Variants in CUX1 observed in about 807,000 individuals in gnomAD.
The protein encoded by CUX1 is protein CASP.
Under a neutral mutation model 158.8 loss-of-function variants are expected in CUX1, and 31 were observed. The observed-to-expected ratio is 0.20, with a 90% CI of 0.15 to 0.26. The LOEUF is 0.26. CUX1 is among the 10% of genes least tolerant of loss of function. The pLI is 1.00. For synonymous variants in CUX1, 879 were observed against 862.1 expected (o/e 1.02, Z -0.34); for missense variants, 1,589 against 2,014.6 (o/e 0.79, Z 4.04).
At chr7:101,852,667 ATTTTTTTT>A (rs71106571) in intron 1 of CUX1, among the ~76,000 whole-genome samples, 7 of 75,994 alleles carry the variant, frequency 9.2e-5, no homozygotes, top group African/African-American at 2.6e-4. Context: ...CTGCGTTGGA[ATTTTTTTT>A]TTTTTTTTTT....
chr7:102,254,319 GGAACACT>G lies in CUX1; in HGVS notation c.*5279_*5285del. 1.0e-6 allele frequency: 1 copy of G among 985,466 alleles called. No individual in the cohort carries two copies. The highest frequency in any genetic ancestry group is 1.1e-4 in the East Asian group (1 of 8,814). 61.0% of individuals were successfully genotyped at this position (985,466 alleles called of 1,614,324 possible). ...CCCCAAAGTTCCCAGCTGGCTTTGG[GGAACACT>G]GTAGCTCTTGGGTGTCTCTTGTCTC... On this transcript the variant is annotated 3_prime_UTR_variant, in exon 24 of 24. Transcript: ENST00000292535.
intron 14 of CUX1, among the ~76,000 whole-genome samples, chr7:102,195,856 C>T (rs193228756): frequency 6.6e-6 from 1 of 152,232 alleles, no homozygotes; most frequent in African/African-American, 2.4e-5. Context: ...AGGGGCAGTG[C>T]GGCTGGAATC....
intron 1 of CUX1, among the ~76,000 whole-genome samples, chr7:101,867,969 C>T (rs752475114): frequency 6.6e-6 from 1 of 151,996 alleles, no homozygotes; most frequent in Non-Finnish European, 1.5e-5. Flanking sequence ...CCTTGGCCTC[C>T]TAAAGTGCTG....
rs1799393421 is a variant in CUX1 at position 101,878,529 on chromosome 7, GT to G, written c.31-37585del. Among the ~76,000 whole-genome samples the G allele has an allele frequency of 2.6e-5, 4 of 152,268 alleles. No homozygotes were observed. In the South Asian group the frequency reaches 6.2e-4, roughly 24 times the overall value. ...CCACAATTACTGCGTCGCTGCTGGG[GT>G]CTGGCAAAGCTCACCTTGATGCAGT... On this transcript the variant is annotated intron_variant, in intron 1 of 23. Transcript: ENST00000292535.
At chr7:102,192,660 T>C (rs1470419235) in intron 12 of CUX1, among the ~76,000 whole-genome samples, 2 of 152,112 alleles carry the variant, frequency 1.3e-5, no homozygotes, top group Admixed American at 6.5e-5. Flanking sequence ...ATTATCCAGG[T>C]GTGGTGGCTC....
chr7:102,060,575 ATATACATATATAT>A, intron 3 of CUX1, among the ~76,000 whole-genome samples: 3 of 131,596 alleles, frequency 2.3e-5, no homozygotes, highest in Non-Finnish European at 3.3e-5. Context: ...ACACACACAT[ATATACATATATAT>A]ATATACACAC....
At chr7:102,109,488 A>G (rs895860410) in intron 6 of CUX1, among the ~76,000 whole-genome samples, 4 of 152,198 alleles carry the variant, frequency 2.6e-5, no homozygotes, top group African/African-American at 9.6e-5. Context: ...ACTATCTATC[A>G]AAACAAGAAA....
chr7:102,162,486 G>A (rs1047891931), intron 9 of CUX1, among the ~76,000 whole-genome samples: 3 of 152,144 alleles, frequency 2.0e-5, no homozygotes, highest in Non-Finnish European at 4.4e-5. Context: ...GGGACTACGG[G>A]CATATGGCTC....
chr7:102,155,291 C>T (rs1288296257), intron 8 of CUX1, among the ~76,000 whole-genome samples: 1 of 151,482 alleles, frequency 6.6e-6, no homozygotes, highest in East Asian at 1.9e-4. Context: ...TGTCTATAGT[C>T]GCAGCACTTT....
In CUX1 at chr7:102,248,912, C is replaced by T. The variant is rs782398565; in HGVS notation, c.4388C>T (p.Pro1463Leu). ...TCGCTGCAGAGCCTTTTCGGCCTCC[C>T]CGAGGCCGCGGGCGCCCGGGACTCG... is the stretch of plus-strand genomic sequence containing the variant. ...PSSLQSLFGL[P>L]EAAGARDSRD... is the part of the protein sequence containing the mutation. Residue 1463 changes from proline (P) to leucine (L), a missense_variant, in exon 24 of 24, where the codon CCC becomes CTC. Pro to Leu is a moderately conservative substitution (Grantham distance 98). Coordinates refer to ENST00000292535, the MANE Select transcript of CUX1 (RefSeq NM_181552.4). The surrounding 1 kb of genome is among the most constrained non-coding windows in gnomAD (Gnocchi z 5.8). The T allele has an allele frequency of 2.2e-5, 32 of 1,450,440 alleles. No homozygotes were observed. Among genetic ancestry groups the T allele is most frequent in the Non-Finnish European group, 5.5e-6 (6 of 1,096,766 alleles). 89.8% of individuals were successfully genotyped at this position (1,450,440 alleles called of 1,614,324 possible).
At chr7:101,826,019 C>T (rs142726539) in intron 1 of CUX1, among the ~76,000 whole-genome samples, 17 of 152,198 alleles carry the variant, frequency 1.1e-4, no homozygotes, top group African/African-American at 4.1e-4. Flanking sequence ...CCCACTTAGG[C>T]ACAGAGTGGA....
In CUX1 at chr7:102,201,954, A is replaced by C; in HGVS notation, c.2657A>C (p.Glu886Ala). The C allele has an allele frequency of 1.9e-6, 3 of 1,614,064 alleles. No homozygotes were observed. The highest frequency in any genetic ancestry group is 2.5e-6 in the Non-Finnish European group (3 of 1,180,020). ...SEYWKEWPSAESPYSQSSELS... is the reference protein window; with the variant it reads ...SEYWKEWPSAASPYSQSSELS... ...TACTGGAAGGAGTGGCCCAGCGCTG[A>C]GTCCCCATACTCCCAGAGCTCAGAG... Residue 886 changes from glutamate to alanine, a missense_variant, in exon 18 of 24, where the codon GAG becomes GCG. Glu to Ala is a moderately radical substitution (Grantham distance 107). Around this residue, in one of 8 missense-constraint regions of CUX1, gnomAD observed 337 missense variants for 409.3 expected, o/e 0.82. Coordinates refer to ENST00000292535, the MANE Select transcript of CUX1 (RefSeq NM_181552.4). The surrounding 1 kb of genome is among the most constrained non-coding windows in gnomAD (Gnocchi z 5.0).
chr7:102,266,217 AAAAG>A (rs1563517747), intron 14 of CUX1, among the ~76,000 whole-genome samples: 1 of 150,294 alleles, frequency 6.7e-6, no homozygotes, highest in Non-Finnish European at 1.5e-5. Flanking sequence ...AAAAAAAAAA[AAAAG>A]AGAGAGAGAG....
chr7:102,095,174 G>A (rs1364848347), intron 4 of CUX1, among the ~76,000 whole-genome samples: 3 of 151,678 alleles, frequency 2.0e-5, no homozygotes, highest in African/African-American at 7.3e-5. Context: ...TAGTTTTTTG[G>A]TTTGTGTTTT....
intron 1 of CUX1, among the ~76,000 whole-genome samples, chr7:101,905,493 G>T (rs1244766336): frequency 6.6e-6 from 1 of 152,178 alleles, no homozygotes; most frequent in East Asian, 1.9e-4. Context: ...GGGAATCCGT[G>T]TTCACGCTGG....
At chr7:101,907,025 C>G (rs1017397602) in intron 1 of CUX1, among the ~76,000 whole-genome samples, 1 of 152,182 alleles carries the variant, frequency 6.6e-6, no homozygotes, top group Non-Finnish European at 1.5e-5. Flanking sequence ...GGCCATCATT[C>G]AGGATTTTTT....
intron 8 of CUX1, among the ~76,000 whole-genome samples, chr7:102,126,696 G>A (rs1350312729): frequency 6.6e-6 from 1 of 152,146 alleles, no homozygotes; most frequent in African/African-American, 2.4e-5. Context: ...CCCCAACCTT[G>A]TTGGCAACAG....
chr7:102,132,850 T>G (rs1833470215), intron 8 of CUX1, among the ~76,000 whole-genome samples: 2 of 151,940 alleles, frequency 1.3e-5, no homozygotes, highest in African/African-American at 2.4e-5. Flanking sequence ...TTTTGTATTT[T>G]TAGTAGTGAC....
chr7:101,817,405 G>A (rs1584623535), upstream of CUX1: 3 of 984,514 alleles, frequency 3.0e-6, no homozygotes, highest in South Asian at 9.4e-5. The surrounding 1 kb of genome is among the most constrained non-coding windows in gnomAD (Gnocchi z 4.1). Context: ...GCAGAGCCCC[G>A]GGGGCCCGTT....
Sources: allele counts gnomAD v4.1 joint callset (sites outside exome capture counted in the v4.1 genomes callset), GRCh38; gene constraint gnomAD v4.1.1; regional missense constraint gnomAD v4.1.1; non-coding constraint Gnocchi (gnomAD v3.1); transcripts MANE v1.5; gene names NCBI Gene and HGNC (gene_info 2026-07-23, HGNC 2026-07-21).